AZIN2: variants seen among roughly 807,000 people sequenced by gnomAD.
AZIN2 encodes the protein ODC antizyme inhibitor-2.
Under a neutral mutation model 47.8 loss-of-function variants are expected in AZIN2, and 28 were observed. The observed-to-expected ratio is 0.59, with a 90% confidence interval of 0.43 to 0.80. The LOEUF (loss-of-function observed/expected upper bound fraction) is 0.80. Ranked by LOEUF, AZIN2 falls within the 30% of genes least tolerant of loss-of-function variation. AZIN2 has a pLI of 0.00. For synonymous variants in AZIN2, 221 were observed against 239.4 expected, an observed-to-expected ratio of 0.92 and a Z score of 0.71; for missense variants, 535 against 582.5, an observed-to-expected ratio of 0.92 and a Z score of 0.84.
chr1:33,092,883 G>A (rs1010511209), intron 6 of AZIN2, among the ~76,000 whole-genome samples: 3 of 152,236 alleles, frequency 2.0e-5, no homozygotes, highest in Non-Finnish European at 1.5e-5. Flanking sequence ...GGGTGAAGGG[G>A]GTGGCCAGGT....
the AZIN2 span, chr1:33,158,375 G>C: frequency 1.2e-6 from 2 of 1,612,436 alleles, no homozygotes. Flanking sequence ...GAGCCTGGAA[G>C]GAGAGCAGGA....
chr1:33,107,344 C>T (rs1388096738), intron 10 of AZIN2, among the ~76,000 whole-genome samples: 2 of 152,024 alleles, frequency 1.3e-5, no homozygotes, highest in East Asian at 3.9e-4. Context: ...CTTTGGGAGG[C>T]CGAGGCAGGC....
At chr1:33,098,592 A>T (rs1171241687) in intron 10 of AZIN2, among the ~76,000 whole-genome samples, 2 of 152,220 alleles carry the variant, frequency 1.3e-5, no homozygotes, top group Non-Finnish European at 2.9e-5. Context: ...GAAACAGTTC[A>T]TATACAGTGG....
the AZIN2 span, among the ~76,000 whole-genome samples, chr1:33,129,124 C>G: frequency 6.6e-6 from 1 of 152,128 alleles, no homozygotes; most frequent in Non-Finnish European, 1.5e-5. This position sits in a 1 kb window ranked among gnomAD's most constrained non-coding sequence, Gnocchi z 4.1. Flanking sequence ...AGAGCCCTTT[C>G]TGGGAACCGG....
the AZIN2 span, chr1:33,147,791 GCCTTC>G: frequency 6.5e-7 from 1 of 1,542,952 alleles, no homozygotes; most frequent in Non-Finnish European, 8.8e-7. The surrounding 1 kb of genome is among the most constrained non-coding windows in gnomAD (Gnocchi z 8.1). Flanking sequence ...ACCATGCAGT[GCCTTC>G]CTGAGGGCAG....
Position 33,113,347 on chromosome 1 carries a change from G to A in AZIN2, c.1030-4555G>A, listed in dbSNP as rs1482021861. The stretch of plus-strand genomic sequence containing the variant: ...ACATCCAAGAATGTAATAGCTTAAT[G>A]CTTTCACTACTATTGTGAGTGAAAA... On this transcript the variant is annotated intron_variant, in intron 10 of 11. Transcript: ENST00000294517. The surrounding 1 kb of genome is among the most constrained non-coding windows in gnomAD (Gnocchi z 4.1). Among the ~76,000 whole-genome samples, 2 of 152,276 alleles carry A rather than the reference G, an allele frequency of 1.3e-5. No homozygotes were observed. Among genetic ancestry groups the A allele is most frequent in the African/African-American group, 2.4e-5 (1 of 41,544 alleles).
chr1:33,099,258 T>G (rs1455567167), intron 10 of AZIN2, among the ~76,000 whole-genome samples: 1 of 152,144 alleles, frequency 6.6e-6, no homozygotes, highest in Admixed American at 6.5e-5. Flanking sequence ...ATCCCTGTGC[T>G]GGCCTAGGGA....
At chr1:33,165,486 T>C in the AZIN2 span, 47 of 1,606,778 alleles carry the variant, frequency 2.9e-5, 1 homozygote, top group Admixed American at 4.4e-4. This position sits in a 1 kb window ranked among gnomAD's most constrained non-coding sequence, Gnocchi z 4.0. Context: ...TCTCCGCCAG[T>C]TGTCGCTTGA....
intron 11 of AZIN2, 34 bp downstream of exon 11, chr1:33,118,150 G>A (rs1644648105): frequency 3.3e-6 from 5 of 1,498,144 alleles, no homozygotes; most frequent in Non-Finnish European, 4.4e-6. Context: ...GGGGGTATGG[G>A]GAGGAACTGG....
chr1:33,160,351 AGG>A, the AZIN2 span, among the ~76,000 whole-genome samples: 1 of 152,072 alleles, frequency 6.6e-6, no homozygotes, highest in Non-Finnish European at 1.5e-5. Context: ...GCTAGGGGAC[AGG>A]GTGAAGATGT....
chr1:33,091,003 C>T (rs1266146397), intron 5 of AZIN2, among the ~76,000 whole-genome samples: 2 of 96,346 alleles, frequency 2.1e-5, no homozygotes, highest in African/African-American at 5.4e-5. Flanking sequence ...CAGGCTCATC[C>T]ATGTTGCTGC....
the AZIN2 span, among the ~76,000 whole-genome samples, chr1:33,141,331 T>C: frequency 5.9e-5 from 9 of 152,158 alleles, no homozygotes; most frequent in East Asian, 7.7e-4. Context: ...TTGCCTGGGC[T>C]GGGGCCCTCT....
At chr1:33,100,924 T>C (rs113111758) in intron 10 of AZIN2, among the ~76,000 whole-genome samples, 2,248 of 151,768 alleles carry the variant, frequency 0.015, 47 homozygotes, top group East Asian at 0.091. Context: ...TTCAGTGGTG[T>C]GATCTCGGCT....
chr1:33,143,045 G>A, the AZIN2 span: 1 of 152,210 alleles, frequency 6.6e-6, no homozygotes, highest in Non-Finnish European at 1.5e-5. Context: ...TAAGGGCTTT[G>A]TTGATCCCTC....
the AZIN2 span, chr1:33,165,310 C>G: frequency 3.3e-6 from 2 of 606,862 alleles, no homozygotes; most frequent in East Asian, 6.1e-5. The surrounding 1 kb of genome is among the most constrained non-coding windows in gnomAD (Gnocchi z 4.0). Flanking sequence ...GGATGCCCTA[C>G]CCTCTTCCCC....
chr1:33,090,202 T>C (rs1642376716), intron 5 of AZIN2, among the ~76,000 whole-genome samples: 2 of 152,232 alleles, frequency 1.3e-5, no homozygotes, highest in Admixed American at 6.5e-5. Flanking sequence ...AGTTGAGAAG[T>C]TGTGACAGAG....
At chr1:33,089,608 G>A (rs1642312218) in intron 5 of AZIN2, among the ~76,000 whole-genome samples, 1 of 152,200 alleles carries the variant, frequency 6.6e-6, no homozygotes, top group East Asian at 1.9e-4. Flanking sequence ...CCCCTGGGAA[G>A]CAAGCTGTGG....
rs529036552 is a variant in AZIN2 at position 33,092,352 on chromosome 1, G to C, written c.452+130G>C. ...AGGCTGGGCTTCAGAGTGAAGGGGGGGGTGGGGTGAGGGGGTGGAGCTGGG... is the reference window on the plus strand; with the variant it reads ...AGGCTGGGCTTCAGAGTGAAGGGGGCGGTGGGGTGAGGGGGTGGAGCTGGG... On this transcript the variant is annotated intron_variant, in intron 6 of 11. Coordinates refer to ENST00000294517, the MANE Select transcript of AZIN2 (RefSeq NM_052998.4). 30 of 870,746 alleles carry C rather than the reference G, an allele frequency of 3.4e-5. 1 individual carries two copies. The highest frequency in any genetic ancestry group is 2.1e-4 in the Admixed American group (7 of 32,834). The allele number at this position is 870,746 out of a possible 1,614,324, so 53.9% of individuals were successfully genotyped here.
Position 33,093,383 on chromosome 1 carries a change from CGAA to C in AZIN2, c.559_561del (p.Lys187del). 1 of 1,614,022 alleles carries C rather than the reference CGAA, an allele frequency of 6.2e-7. No individual in the cohort carries two copies. Among genetic ancestry groups the C allele is most frequent in the Non-Finnish European group, 8.5e-7 (1 of 1,179,964 alleles). On this transcript the variant is annotated inframe_deletion, in exon 7 of 12. Coordinates refer to ENST00000294517, the MANE Select transcript of AZIN2 (RefSeq NM_052998.4). Reference sequence around the variant, plus strand: ...TCCTGCAGACACCTGCTTGAAAATGCGAAGAAGCACCATGTGGAGGTGGTGGGT... The same window carrying C: ...TCCTGCAGACACCTGCTTGAAAATGCGAAGCACCATGTGGAGGTGGTGGGT...
Sources: gnomAD v4.1 joint callset for allele counts (sites outside exome capture counted in the v4.1 genomes callset) on GRCh38, gnomAD v4.1.1 for gene constraint, Gnocchi (gnomAD v3.1) non-coding constraint, MANE v1.5 for transcripts, NCBI Gene and HGNC (gene_info 2026-07-23, HGNC 2026-07-21) for gene names.